The following TMEM26 variants were observed in gnomAD, a reference collection of about 807,000 sequenced individuals.
TMEM26 encodes the protein transmembrane protein 26.
A neutral mutation model predicts 28.8 loss-of-function variants in TMEM26; 38 were observed. The observed-to-expected ratio is 1.32, with a 90% CI of 1.02 to 1.73. TMEM26 has a LOEUF of 1.73. Among genes scored for constraint, TMEM26 ranks in the 40% most tolerant of loss-of-function variants. The probability of loss-of-function intolerance (pLI) is 0.00; values close to 1 mark genes in which losing one functional copy is unlikely to be tolerated. For synonymous variants in TMEM26, 227 were observed against 182.9 expected (o/e 1.24, Z -1.95); for missense variants, 518 against 447.1 (o/e 1.16, Z -1.43).
chr10:61,451,972 A>T (rs1840289952), intron 1 of TMEM26, among the ~76,000 whole-genome samples: 1 of 130,348 alleles, frequency 7.7e-6, no homozygotes, highest in Admixed American at 8.2e-5. Flanking sequence ...AGCATGAGAT[A>T]TTTTTAATGT....
chr10:61,446,423 A>G (rs773414027), intron 1 of TMEM26, among the ~76,000 whole-genome samples: 18 of 152,230 alleles, frequency 1.2e-4, no homozygotes, highest in African/African-American at 4.1e-4. Context: ...AGATATCTCA[A>G]TAAAGCAGAT....
At chr10:61,415,553 A>G (rs1335321794) in intron 4 of TMEM26, among the ~76,000 whole-genome samples, 1 of 152,084 alleles carries the variant, frequency 6.6e-6, no homozygotes, top group African/African-American at 2.4e-5. Flanking sequence ...CACAATTGTT[A>G]TCTCTATTTT....
At chr10:61,439,909 T>A (rs1056442675) in intron 1 of TMEM26, among the ~76,000 whole-genome samples, 4 of 152,202 alleles carry the variant, frequency 2.6e-5, no homozygotes, top group African/African-American at 9.6e-5. Flanking sequence ...ATATAATTTA[T>A]AATGACTTAT....
At chr10:61,413,663 TAAATCAATG>T (rs1839606464) in intron 4 of TMEM26, 128 bp from the exon 5 acceptor site, 1 of 1,329,082 alleles carries the variant, frequency 7.5e-7, no homozygotes, top group African/African-American at 1.5e-5. Flanking sequence ...GGTGATTTAA[TAAATCAATG>T]AAAAAAATCC....
chr10:61,429,479 C>T (rs1409525639), intron 3 of TMEM26, among the ~76,000 whole-genome samples: 1 of 151,946 alleles, frequency 6.6e-6, no homozygotes, highest in African/African-American at 2.4e-5. Flanking sequence ...AAAAATAACA[C>T]ATAGCAAAGT....
chr10:61,429,245 G>T, intron 3 of TMEM26, 99 bp from the exon 4 acceptor site: 2 of 977,366 alleles, frequency 2.0e-6, no homozygotes, highest in Non-Finnish European at 3.1e-6. Context: ...TGCTTTTGTA[G>T]AGAGTAATTT....
At chr10:61,432,109 G>A (rs1435206358) in intron 2 of TMEM26, among the ~76,000 whole-genome samples, 6 of 152,016 alleles carry the variant, frequency 3.9e-5, no homozygotes, top group Admixed American at 6.6e-5. Context: ...GTCTGTGTGT[G>A]TGTATGTGTG....
Position 61,413,517 on chromosome 10 carries a change from G to A in TMEM26, c.624C>T (p.Val208=). 1 of 1,612,498 alleles carries A rather than the reference G, an allele frequency of 6.2e-7. No individual in the cohort carries two copies. The highest frequency in any genetic ancestry group is 8.5e-7 in the Non-Finnish European group (1 of 1,179,144). ...AAGTCCATATAACAAGGATGGCATA[G>A]ACTAGTGCAGGACTATTCCTAGAAT... ...EQNVRNSPAL[V]YAILVIWTWS... Residue 208 remains valine (V), a synonymous_variant, in exon 5 of 6, where the codon GTC becomes GTT. Transcript: ENST00000399298.
intron 4 of TMEM26, among the ~76,000 whole-genome samples, chr10:61,426,471 G>A (rs1033647237): frequency 6.6e-6 from 1 of 151,998 alleles, no homozygotes; most frequent in African/African-American, 2.4e-5. Context: ...GCTTTACAAA[G>A]CTATGTAAAT....
At chr10:61,438,463 T>A (rs1356217694) in intron 1 of TMEM26, among the ~76,000 whole-genome samples, 1 of 152,172 alleles carries the variant, frequency 6.6e-6, no homozygotes, top group African/African-American at 2.4e-5. Context: ...GCAATTTCAT[T>A]GAGTCTCTTG....
intron 4 of TMEM26, among the ~76,000 whole-genome samples, chr10:61,424,814 A>G (rs1036395078): frequency 2.0e-5 from 3 of 152,218 alleles, no homozygotes; most frequent in Non-Finnish European, 4.4e-5. Flanking sequence ...AGGCAATATA[A>G]TAAAGAAAGA....
intron 4 of TMEM26, among the ~76,000 whole-genome samples, chr10:61,419,185 G>A (rs1839702573): frequency 1.3e-5 from 2 of 152,102 alleles, no homozygotes; most frequent in Admixed American, 1.3e-4. Flanking sequence ...GCAGTGGTGG[G>A]GGAGGCTGAA....
chr10:61,428,549 A>T (rs1381437597), intron 4 of TMEM26, among the ~76,000 whole-genome samples: 1 of 152,072 alleles, frequency 6.6e-6, no homozygotes, highest in African/African-American at 2.4e-5. Flanking sequence ...AGAGGATTTT[A>T]TGATTGACTA....
chr10:61,430,505 A>G (rs1027847449), intron 3 of TMEM26, among the ~76,000 whole-genome samples: 1 of 151,784 alleles, frequency 6.6e-6, no homozygotes, highest in Non-Finnish European at 1.5e-5. Context: ...ATTGGGATGG[A>G]AGAAACAAAA....
intron 1 of TMEM26, among the ~76,000 whole-genome samples, chr10:61,442,244 G>T (rs1451651464): frequency 1.3e-5 from 2 of 151,944 alleles, no homozygotes; most frequent in African/African-American, 4.8e-5. Context: ...TAGCAATTTA[G>T]CCCTGCAGTA....
At chr10:61,424,821 A>C (rs969082356) in intron 4 of TMEM26, among the ~76,000 whole-genome samples, 1 of 152,190 alleles carries the variant, frequency 6.6e-6, no homozygotes, top group Non-Finnish European at 1.5e-5. Flanking sequence ...ATAATAAAGA[A>C]AGACTCCTTT....
chr10:61,450,255 T>C (rs533360429), intron 1 of TMEM26, among the ~76,000 whole-genome samples: 1 of 152,260 alleles, frequency 6.6e-6, no homozygotes, highest in East Asian at 1.9e-4. Flanking sequence ...GTTGCCATAA[T>C]GTTTACTTCA....
intron 4 of TMEM26, among the ~76,000 whole-genome samples, chr10:61,416,286 G>A (rs945642202): frequency 3.3e-5 from 5 of 152,114 alleles, no homozygotes; most frequent in African/African-American, 1.2e-4. Flanking sequence ...CAGTGGCAAA[G>A]CAGGGGGCTT....
chr10:61,419,039 A>G (rs1019566285), intron 4 of TMEM26, among the ~76,000 whole-genome samples: 1 of 152,186 alleles, frequency 6.6e-6, no homozygotes, highest in Non-Finnish European at 1.5e-5. Context: ...CATAGGTGTG[A>G]CCACTAAGAC....
Sources: gnomAD v4.1 joint callset for allele counts (sites outside exome capture counted in the v4.1 genomes callset) on GRCh38, gnomAD v4.1.1 for gene constraint, MANE v1.5 for transcripts, NCBI Gene and HGNC (gene_info 2026-07-23, HGNC 2026-07-21) for gene names.